ARHGEF28: variants seen among roughly 807,000 people sequenced by gnomAD.
The protein encoded by ARHGEF28 is 190 kDa guanine nucleotide exchange factor.
Under a neutral mutation model 206.6 loss-of-function variants are expected in ARHGEF28, and 152 were observed. The observed-to-expected ratio is 0.74, with a 90% confidence interval of 0.64 to 0.84. The LOEUF is 0.84. ARHGEF28 is among the 40% of genes least tolerant of loss of function. The pLI is 0.00. For synonymous variants in ARHGEF28, 763 were observed against 776.4 expected, an observed-to-expected ratio of 0.98 and a Z score of 0.29; for missense variants, 2,028 against 2,073.2, an observed-to-expected ratio of 0.98 and a Z score of 0.42.
At position 73,909,545 on chromosome 5, in the gene ARHGEF28, G is replaced by C; in HGVS notation, c.4295G>C (p.Arg1432Thr). 6.3e-7 allele frequency: 1 copy of C among 1,583,756 alleles called. No homozygotes were observed. Among genetic ancestry groups the C allele is most frequent in the African/African-American group, 1.3e-5 (1 of 74,392 alleles). ...LQDQKSRDAD[R>T]QHEELANVHQ... Reference sequence around the variant, plus strand: ...GACCAGAAGTCTCGCGACGCGGACAGGCAGCATGAGGAGCTGGCCAATGTG... The same window carrying C: ...GACCAGAAGTCTCGCGACGCGGACACGCAGCATGAGGAGCTGGCCAATGTG... The change falls in exon 34 of 36, where the codon AGG (arginine) becomes ACG (threonine). Residue 1432 changes from arginine (R) to threonine (T), a missense_variant. Arg to Thr is a moderately conservative substitution (Grantham distance 71). This residue lies in a region of ARHGEF28 where 803 missense variants were observed against 768.0 expected (regional missense o/e 1.05). Coordinates refer to ENST00000513042, the MANE Select transcript of ARHGEF28 (RefSeq NM_001177693.2).
intron 7 of ARHGEF28, among the ~76,000 whole-genome samples, chr5:73,788,886 C>T (rs1580619323): frequency 1.3e-5 from 2 of 152,006 alleles, no homozygotes; most frequent in East Asian, 1.9e-4. Context: ...ACTTTCTCTC[C>T]ATAATTGAAT....
At chr5:73,709,508 T>C (rs1749124931) in intron 2 of ARHGEF28, among the ~76,000 whole-genome samples, 1 of 152,208 alleles carries the variant, frequency 6.6e-6, no homozygotes, top group African/African-American at 2.4e-5. Flanking sequence ...AGACAAAGCT[T>C]GTTCCTATTG....
At chr5:73,704,528 G>A (rs187600152) in intron 2 of ARHGEF28, among the ~76,000 whole-genome samples, 4 of 152,248 alleles carry the variant, frequency 2.6e-5, no homozygotes, top group South Asian at 2.1e-4. Context: ...ATGTTGAAGT[G>A]ATTCTCCTGC....
chr5:73,685,708 C>T lies in ARHGEF28; in HGVS notation c.33+824C>T, dbSNP rs138169619. 7.0e-3 allele frequency among the ~76,000 whole-genome samples: 1,070 copies of T among 152,140 alleles called. 6 individuals carry two copies. Among genetic ancestry groups the T allele is most frequent in the African/African-American group, 0.023 (968 of 41,490 alleles). Reference sequence around the variant, plus strand: ...CATGATCTAAGCTCACTGCAAACTCCGCCTCCCAGGTTCAAGCGATTCCCC... The same window carrying T: ...CATGATCTAAGCTCACTGCAAACTCTGCCTCCCAGGTTCAAGCGATTCCCC... On this transcript the variant is annotated intron_variant, in intron 2 of 35. Coordinates refer to ENST00000513042, the MANE Select transcript of ARHGEF28 (RefSeq NM_001177693.2).
At chr5:73,784,003 A>G (rs1053088136) in intron 7 of ARHGEF28, among the ~76,000 whole-genome samples, 7 of 152,160 alleles carry the variant, frequency 4.6e-5, no homozygotes, top group African/African-American at 1.2e-4. Flanking sequence ...AACTGTATGC[A>G]TATTCCAGCA....
intron 22 of ARHGEF28, among the ~76,000 whole-genome samples, chr5:73,879,652 C>T (rs974822266): frequency 2.6e-5 from 4 of 152,196 alleles, no homozygotes; most frequent in Non-Finnish European, 5.9e-5. Context: ...CGGACAGGAC[C>T]TTCAGCTGCA....
intron 1 of ARHGEF28, 112 bp downstream of exon 1, chr5:73,626,434 T>G (rs1389770823): frequency 1.3e-5 from 2 of 152,112 alleles, no homozygotes; most frequent in Non-Finnish European, 2.9e-5. Context: ...TCCCCAGGGA[T>G]GCGAGGGTCA....
intron 1 of ARHGEF28, among the ~76,000 whole-genome samples, chr5:73,658,962 T>TACACACACACAC (rs55877309): frequency 3.0e-4 from 37 of 124,846 alleles, no homozygotes; most frequent in East Asian, 1.2e-3. Context: ...TGCATGCAGG[T>TACACACACACAC]ACACACACAC....
At chr5:73,939,304 G>A (rs371058276) in intron 35 of ARHGEF28, among the ~76,000 whole-genome samples, 3 of 152,310 alleles carry the variant, frequency 2.0e-5, no homozygotes, top group African/African-American at 4.8e-5. Context: ...GTAAATGGTG[G>A]CAGTTAGAGG....
At chr5:73,657,172 CAAA>C (rs76970237) in intron 1 of ARHGEF28, among the ~76,000 whole-genome samples, 46 of 94,550 alleles carry the variant, frequency 4.9e-4, no homozygotes, top group South Asian at 2.6e-3. Flanking sequence ...GACTCCGTCC[CAAA>C]AAAAAAAAAA....
intron 24 of ARHGEF28, among the ~76,000 whole-genome samples, chr5:73,885,370 C>T (rs573951810): frequency 6.6e-6 from 1 of 152,202 alleles, no homozygotes; most frequent in East Asian, 1.9e-4. Context: ...AGCGGAAGGA[C>T]TATGTGTCAG....
chr5:73,872,155 T>C (rs551821220), intron 21 of ARHGEF28, among the ~76,000 whole-genome samples: 1 of 152,182 alleles, frequency 6.6e-6, no homozygotes, highest in Admixed American at 6.5e-5. Context: ...AATACCTGTT[T>C]GTTGCTTTTT....
intron 2 of ARHGEF28, among the ~76,000 whole-genome samples, chr5:73,741,407 ATATATATATATATATATATAT>A (rs1751418684): frequency 6.1e-5 from 1 of 16,298 alleles, no homozygotes; most frequent in African/African-American, 2.7e-4. Context: ...ATATATATAT[ATATATATATATATATATATAT>A]ATATATATAT....
At chr5:73,785,288 A>T (rs1754093643) in intron 7 of ARHGEF28, among the ~76,000 whole-genome samples, 1 of 152,178 alleles carries the variant, frequency 6.6e-6, no homozygotes, top group African/African-American at 2.4e-5. Flanking sequence ...GCAGTTCTCT[A>T]AATTAATGGA....
At chr5:73,929,674 G>A (rs950109598) in intron 35 of ARHGEF28, among the ~76,000 whole-genome samples, 7 of 152,028 alleles carry the variant, frequency 4.6e-5, no homozygotes, top group Non-Finnish European at 1.0e-4. Flanking sequence ...TCAGATCTTC[G>A]CCTTTTTGCT....
intron 1 of ARHGEF28, among the ~76,000 whole-genome samples, chr5:73,631,740 A>G (rs1441994143): frequency 6.6e-6 from 1 of 152,112 alleles, no homozygotes; most frequent in Non-Finnish European, 1.5e-5. Flanking sequence ...CAGTTCTGTT[A>G]GCCAGGACTA....
intron 30 of ARHGEF28, 93 bp from the exon 31 acceptor site, chr5:73,901,091 G>A (rs1335735179): frequency 5.3e-6 from 5 of 938,438 alleles, no homozygotes; most frequent in Non-Finnish European, 3.3e-6. Context: ...TTCCTATTTT[G>A]AAATATGTGT....
At chr5:73,923,138 G>A in intron 35 of ARHGEF28, 4 of 1,535,824 alleles carry the variant, frequency 2.6e-6, no homozygotes, top group Non-Finnish European at 3.5e-6. Context: ...CCGGGACTGT[G>A]GACTGGAACC....
intron 7 of ARHGEF28, among the ~76,000 whole-genome samples, chr5:73,789,844 ATCCCAAAT>A (rs1754368475): frequency 6.6e-6 from 1 of 152,060 alleles, no homozygotes; most frequent in African/African-American, 2.4e-5. Context: ...AAACTAAGAA[ATCCCAAAT>A]CTTATAAGGA....
Sources: gnomAD v4.1 joint callset for allele counts (sites outside exome capture counted in the v4.1 genomes callset) on GRCh38, gnomAD v4.1.1 for gene constraint, gnomAD v4.1.1 regional missense constraint, MANE v1.5 for transcripts, NCBI Gene and HGNC (gene_info 2026-07-23, HGNC 2026-07-21) for gene names.